The following GANC variants were observed in gnomAD, a reference collection of about 807,000 sequenced individuals.
GANC encodes the protein neutral alpha-glucosidase C.
A neutral mutation model predicts 124.2 loss-of-function variants in GANC; 117 were observed. The ratio of observed to expected loss-of-function variants is 0.94; its 90% CI spans 0.81 to 1.10. The LOEUF is 1.10. Among genes scored for constraint, GANC ranks in the 50% least tolerant of loss-of-function variants. GANC has a pLI of 0.00. For synonymous variants in GANC, 377 were observed against 376.8 expected (o/e 1.00, Z -0.01); for missense variants, 1,140 against 1,095.0 (o/e 1.04, Z -0.58).
intron 10 of GANC, among the ~76,000 whole-genome samples, chr15:42,312,470 C>T (rs1317012362): frequency 6.6e-6 from 1 of 152,220 alleles, no homozygotes; most frequent in African/African-American, 2.4e-5. Flanking sequence ...ATGTGACATG[C>T]TCCTCCTTGC....
intron 11 of GANC, among the ~76,000 whole-genome samples, chr15:42,323,677 A>C (rs2052178548): frequency 6.6e-6 from 1 of 151,848 alleles, no homozygotes; most frequent in South Asian, 2.1e-4. Flanking sequence ...TAATTTTTGT[A>C]TTTTTAGTAG....
Position 42,353,621 on chromosome 15 carries a change from A to G in GANC, c.*1482A>G. The G allele has an allele frequency of 1.0e-6, 1 of 985,592 alleles. No individual in the cohort carries two copies. The highest frequency in any genetic ancestry group is 1.2e-6 in the Non-Finnish European group (1 of 829,704). 61.1% of individuals were successfully genotyped at this position (985,592 alleles called of 1,614,324 possible). A position where few individuals can be genotyped will look rare whatever the true frequency, so the allele number is the denominator to read the frequency against. Reference sequence around the variant, plus strand: ...CTTTCAGTAACTGTTAGCTGTGATTAGTTAGCTGGTGGATTTAATTGATTA... The same window carrying G: ...CTTTCAGTAACTGTTAGCTGTGATTGGTTAGCTGGTGGATTTAATTGATTA... On this transcript the variant is annotated 3_prime_UTR_variant, in exon 24 of 24. Coordinates refer to ENST00000318010, the MANE Select transcript of GANC (RefSeq NM_198141.3).
chr15:42,338,072 AC>A (rs142972105), intron 15 of GANC, among the ~76,000 whole-genome samples: 13,240 of 151,850 alleles, frequency 0.087, 645 homozygotes, highest in South Asian at 0.18. Context: ...TAAAAAAAAA[AC>A]AAACCACATG....
At chr15:42,281,037 GAGCCTGATAAACA>G (rs1320788815) in intron 3 of GANC, 7 of 702,412 alleles carry the variant, frequency 1.0e-5, no homozygotes. Context: ...GGAAGCTGAG[GAGCCTGATAAACA>G]AGGACAAATT....
rs138243318 is a variant in GANC, at chr15:42,297,425, G to A, written c.513-186G>A. 1.6e-3 allele frequency among the ~76,000 whole-genome samples: 243 copies of A among 152,192 alleles called. 2 individuals are homozygous for A. Among genetic ancestry groups the A allele is most frequent in the African/African-American group, 5.6e-3 (234 of 41,518 alleles). On this transcript the variant is annotated intron_variant, in intron 5 of 23. Coordinates refer to ENST00000318010, the MANE Select transcript of GANC (RefSeq NM_198141.3). ...TGACCCTCTAGCCTCAGCCTCCCAA[G>A]TAGCTGGGATTACAGGCAGGCACCA...
intron 19 of GANC, chr15:42,344,814 C>G (rs920839368): frequency 2.0e-5 from 3 of 152,200 alleles, no homozygotes; most frequent in Admixed American, 6.5e-5. Flanking sequence ...AAGTTGATTC[C>G]AGCAAAGTGG....
chr15:42,287,120 G>T (rs928300351), intron 3 of GANC, among the ~76,000 whole-genome samples: 1 of 152,174 alleles, frequency 6.6e-6, no homozygotes, highest in Non-Finnish European at 1.5e-5. Flanking sequence ...TCTTGTAAAA[G>T]TTCCCCGGGT....
At chr15:42,284,368 T>C (rs926284303) in intron 3 of GANC, 4 of 191,906 alleles carry the variant, frequency 2.1e-5, no homozygotes, top group African/African-American at 9.4e-5. Context: ...TTACAAAATA[T>C]CTGGTATTTT....
chr15:42,326,563 A>T, intron 12 of GANC, 139 bp downstream of exon 12: 2 of 1,402,464 alleles, frequency 1.4e-6, no homozygotes, highest in South Asian at 2.9e-5. Flanking sequence ...TAATGAAGAG[A>T]TAGGTTTGCC....
chr15:42,342,544 T>C (rs1378153696), intron 18 of GANC, among the ~76,000 whole-genome samples: 3 of 151,850 alleles, frequency 2.0e-5, no homozygotes. Flanking sequence ...ATTGCACTGC[T>C]GCACTCCCAC....
rs748156087 is a variant in GANC, at chr15:42,352,149, G to GCC, written c.*13_*14dup. 6.2e-7 allele frequency: 1 copy of GCC among 1,614,024 alleles called. No individual in the cohort carries two copies. Among genetic ancestry groups the GCC allele is most frequent in the Admixed American group, 1.7e-5 (1 of 60,004 alleles). ...GGTCCGCATCATATGACAAAGAACT[G>GCC]CCCCTGGTGATGTGAGCAGGGACCT... On this transcript the variant is annotated 3_prime_UTR_variant, in exon 24 of 24. Coordinates refer to ENST00000318010, the MANE Select transcript of GANC (RefSeq NM_198141.3).
intron 15 of GANC, among the ~76,000 whole-genome samples, chr15:42,335,720 A>G (rs971719160): frequency 3.3e-5 from 5 of 152,198 alleles, no homozygotes; most frequent in African/African-American, 1.2e-4. Context: ...AGAAAACCCC[A>G]TAGTCTCAGC....
chr15:42,275,390 ATAAAT>A (rs764629537), intron 1 of GANC, among the ~76,000 whole-genome samples: 4 of 152,226 alleles, frequency 2.6e-5, no homozygotes, highest in African/African-American at 9.6e-5. Flanking sequence ...AATTTTTTTA[ATAAAT>A]TAAAATAAAC....
Position 42,322,091 on chromosome 15 carries a change from A to C in GANC, c.1293+71A>C, listed in dbSNP as rs2052164084. 11 of 1,250,142 alleles carry C rather than the reference A, an allele frequency of 8.8e-6. No individual in the cohort carries two copies. In the South Asian group the frequency reaches 1.6e-4, roughly 18 times the overall value. 77.4% of individuals were successfully genotyped at this position (1,250,142 alleles called of 1,614,324 possible). ...AAAAATGTTTTAGACTTGCCTTGGC[A>C]CATCAGTGGTGGAGAAACATCTGAT... On this transcript the variant is annotated intron_variant, in intron 11 of 23. Coordinates refer to ENST00000318010, the MANE Select transcript of GANC (RefSeq NM_198141.3).
chr15:42,276,673 C>CT (rs1462629100), intron 2 of GANC, among the ~76,000 whole-genome samples: 1 of 152,070 alleles, frequency 6.6e-6, no homozygotes, highest in African/African-American at 2.4e-5. Flanking sequence ...ATAGATAACA[C>CT]TTTTACATGG....
intron 8 of GANC, 38 bp downstream of exon 8, chr15:42,308,356 T>A (rs762178466): frequency 2.9e-6 from 4 of 1,358,978 alleles, no homozygotes; most frequent in Non-Finnish European, 3.2e-6. Flanking sequence ...AGTCTCTGGT[T>A]TTTGTATTGA....
intron 3 of GANC, among the ~76,000 whole-genome samples, chr15:42,283,052 A>G (rs1383012393): frequency 6.6e-6 from 1 of 152,208 alleles, no homozygotes; most frequent in Non-Finnish European, 1.5e-5. Context: ...TCTGAATACC[A>G]TCATATTGTG....
At chr15:42,308,785 G>A (rs1037413282) in intron 8 of GANC, among the ~76,000 whole-genome samples, 4 of 151,926 alleles carry the variant, frequency 2.6e-5, no homozygotes, top group African/African-American at 9.7e-5. Context: ...GTGCCTGGCC[G>A]GTTTTCCAGT....
chr15:42,348,876 A>C (rs1162575016), intron 21 of GANC, among the ~76,000 whole-genome samples: 5 of 152,342 alleles, frequency 3.3e-5, no homozygotes, highest in African/African-American at 1.2e-4. Flanking sequence ...TCTTGGGCCA[A>C]ACTATGGGTC....
Sources: gnomAD v4.1 joint callset for allele counts (sites outside exome capture counted in the v4.1 genomes callset) on GRCh38, gnomAD v4.1.1 for gene constraint, MANE v1.5 for transcripts, NCBI Gene and HGNC (gene_info 2026-07-23, HGNC 2026-07-21) for gene names.